Variants in FAAH2 observed in about 807,000 individuals in gnomAD.
FAAH2 encodes the protein fatty acid amide hydrolase 2.
In FAAH2, 60 loss-of-function variants were observed where a neutral mutation model predicts 36.9. The observed-to-expected ratio is 1.63, with a 90% confidence interval of 1.32 to 2.02. The LOEUF (loss-of-function observed/expected upper bound fraction) is 2.02. Among genes scored for constraint, FAAH2 ranks in the 30% most tolerant of loss-of-function variants. FAAH2 has a pLI of 0.00. For missense variants in FAAH2, 689 were observed against 397.5 expected, an observed-to-expected ratio of 1.73 and a Z score of -6.23; for synonymous variants, 214 against 143.8, an observed-to-expected ratio of 1.49 and a Z score of -3.49.
chrX:57,288,380 C>T (rs1356840873), intron 1 of FAAH2, among the ~76,000 whole-genome samples: 4 of 77,660 alleles, frequency 5.2e-5, no homozygotes, highest in Admixed American at 5.0e-4. Flanking sequence ...GACGGAGTCT[C>T]GCTCTGTCGC....
chrX:57,163,633 G>C, the FAAH2 span, among the ~76,000 whole-genome samples: 3 of 112,071 alleles, frequency 2.7e-5, no homozygotes, highest in Non-Finnish European at 5.6e-5. Context: ...TCCAGGTGCT[G>C]TCCATCACCC....
Position 57,467,817 on chromosome X carries a change from C to A in FAAH2, c.1423+19099C>A, listed in dbSNP as rs190449876. On this transcript the variant is annotated intron_variant, in intron 10 of 10. Transcript: ENST00000374900. Reference sequence around the variant, plus strand: ...ACTGCCTCCTCAAGTGGGTCCCTGACCTCCAAGTAGCCTAACTGAGAGACA... The same window carrying A: ...ACTGCCTCCTCAAGTGGGTCCCTGAACTCCAAGTAGCCTAACTGAGAGACA... 2.3e-3 allele frequency among the ~76,000 whole-genome samples: 259 copies of A among 112,040 alleles called. 3 individuals carry two copies. Among genetic ancestry groups the A allele is most frequent in the African/African-American group, 7.9e-3 (244 of 30,851 alleles).
chrX:57,397,504 C>T (rs772934459), intron 7 of FAAH2, among the ~76,000 whole-genome samples: 1 of 110,938 alleles, frequency 9.0e-6, no homozygotes, highest in East Asian at 2.8e-4. Context: ...CTGGGAAGTA[C>T]TTTACGTTTT....
chrX:57,237,600 A>T, the FAAH2 span, among the ~76,000 whole-genome samples: 3 of 111,342 alleles, frequency 2.7e-5, no homozygotes, highest in Non-Finnish European at 5.7e-5. Flanking sequence ...TAAATAATTT[A>T]AAAAATTAAC....
the FAAH2 span, among the ~76,000 whole-genome samples, chrX:57,183,142 G>T: frequency 9.0e-6 from 1 of 110,583 alleles, no homozygotes; most frequent in African/African-American, 3.3e-5. Flanking sequence ...ATGAAGTAAG[G>T]TATACTACAA....
chrX:57,330,698 T>G (rs966964473), intron 3 of FAAH2, among the ~76,000 whole-genome samples: 1 of 111,665 alleles, frequency 9.0e-6, no homozygotes, highest in Non-Finnish European at 1.9e-5. Context: ...CTCCCCCAGA[T>G]GCCCAGCTTT....
At chrX:57,181,409 G>A in the FAAH2 span, among the ~76,000 whole-genome samples, 1 of 111,534 alleles carries the variant, frequency 9.0e-6, no homozygotes, top group Non-Finnish European at 1.9e-5. Flanking sequence ...TGAAATCAAT[G>A]TACAAAAATC....
chrX:57,244,536 C>T, the FAAH2 span, among the ~76,000 whole-genome samples: 1 of 112,017 alleles, frequency 8.9e-6, no homozygotes, highest in African/African-American at 3.3e-5. Flanking sequence ...ATCAGACTAA[C>T]AGCAGATCTC....
chrX:57,226,930 G>C, the FAAH2 span, among the ~76,000 whole-genome samples: 1 of 111,502 alleles, frequency 9.0e-6, no homozygotes, highest in Non-Finnish European at 1.9e-5. Context: ...TCTTCTACTT[G>C]TTCAATTCTA....
chrX:57,440,867 T>A (rs1424925860), intron 8 of FAAH2, among the ~76,000 whole-genome samples: 1 of 111,680 alleles, frequency 9.0e-6, no homozygotes, highest in Non-Finnish European at 1.9e-5. Flanking sequence ...AATCATGTGT[T>A]TTTTGTCTTT....
the FAAH2 span, among the ~76,000 whole-genome samples, chrX:57,177,602 A>G: frequency 3.6e-5 from 3 of 82,953 alleles, no homozygotes; most frequent in Non-Finnish European, 6.9e-5. Context: ...ATATATATAT[A>G]TATATATATA....
intron 10 of FAAH2, among the ~76,000 whole-genome samples, chrX:57,467,395 C>T (rs1243579073): frequency 9.0e-6 from 1 of 111,598 alleles, no homozygotes; most frequent in Non-Finnish European, 1.9e-5. Flanking sequence ...TCGGGTCACT[C>T]CCACCATAAT....
At chrX:57,223,851 AT>A in the FAAH2 span, among the ~76,000 whole-genome samples, 1 of 111,552 alleles carries the variant, frequency 9.0e-6, no homozygotes. Flanking sequence ...CATCAGCCAA[AT>A]TATCCAAGGC....
At chrX:57,421,771 G>T (rs915036828) in intron 7 of FAAH2, among the ~76,000 whole-genome samples, 5 of 111,954 alleles carry the variant, frequency 4.5e-5, no homozygotes, top group South Asian at 3.8e-4. Flanking sequence ...TTGAGCGTGG[G>T]TCCATTGACA....
the FAAH2 span, among the ~76,000 whole-genome samples, chrX:57,151,021 A>G: frequency 4.5e-5 from 5 of 111,296 alleles, no homozygotes; most frequent in East Asian, 2.8e-4. Flanking sequence ...CACTTATGAA[A>G]CTTAGTTTGG....
chrX:57,290,013 C>T, intron 1 of FAAH2, among the ~76,000 whole-genome samples: 1 of 111,552 alleles, frequency 9.0e-6, no homozygotes, highest in Non-Finnish European at 1.9e-5. Flanking sequence ...CCAGGCTCAG[C>T]TATGTGACTT....
the FAAH2 span, among the ~76,000 whole-genome samples, chrX:57,123,962 A>C: frequency 2.7e-5 from 3 of 111,062 alleles, no homozygotes; most frequent in African/African-American, 9.9e-5. Flanking sequence ...TTGCCTGTTC[A>C]CTCTGATGGT....
intron 7 of FAAH2, among the ~76,000 whole-genome samples, chrX:57,403,581 C>G: frequency 8.9e-6 from 1 of 112,771 alleles, no homozygotes; most frequent in South Asian, 3.6e-4. Flanking sequence ...TGTGGGTAAC[C>G]TTTTGAGTCA....
At chrX:57,426,820 C>G (rs751187372) in intron 7 of FAAH2, among the ~76,000 whole-genome samples, 2 of 111,398 alleles carry the variant, frequency 1.8e-5, no homozygotes, top group East Asian at 5.6e-4. Flanking sequence ...AATTAACAAT[C>G]TACCATCACA....
Sources: allele counts gnomAD v4.1 joint callset (sites outside exome capture counted in the v4.1 genomes callset), GRCh38; gene constraint gnomAD v4.1.1; transcripts MANE v1.5; gene names NCBI Gene and HGNC (gene_info 2026-07-23, HGNC 2026-07-21).